The following EPHB1 variants were observed in gnomAD, a reference collection of about 807,000 sequenced individuals.
The protein encoded by EPHB1 is EPH receptor B1.
In EPHB1, 30 loss-of-function variants were observed where a neutral mutation model predicts 94.4. That is an observed-to-expected ratio of 0.32 (90% confidence interval 0.24 to 0.43). The LOEUF (loss-of-function observed/expected upper bound fraction) is 0.43. Ranked by LOEUF, EPHB1 falls within the 20% of genes least tolerant of loss-of-function variation. The pLI, the probability that EPHB1 is intolerant of heterozygous loss-of-function variation, is 1.00. For synonymous variants in EPHB1, 522 were observed against 489.1 expected (o/e 1.07, Z -0.89); for missense variants, 1,055 against 1,308.3 (o/e 0.81, Z 2.99).
intron 2 of EPHB1, among the ~76,000 whole-genome samples, chr3:134,932,898 G>T (rs2038932262): frequency 2.0e-5 from 3 of 152,194 alleles, no homozygotes; most frequent in Non-Finnish European, 4.4e-5. Context: ...AGAAGAAGGT[G>T]GGGTTGGCCA....
intron 15 of EPHB1, 89 bp downstream of exon 15, chr3:135,249,580 G>T: frequency 1.4e-6 from 2 of 1,468,006 alleles, no homozygotes; most frequent in African/African-American, 1.4e-5. Context: ...CCTATTTCTG[G>T]CCTCATCCCT....
intron 6 of EPHB1, among the ~76,000 whole-genome samples, chr3:135,159,655 T>G (rs1334990768): frequency 2.6e-5 from 4 of 152,236 alleles, no homozygotes; most frequent in Non-Finnish European, 5.9e-5. Context: ...GAGGATCCCC[T>G]TGTGTTTAAA....
At chr3:135,075,455 C>T (rs1436129689) in intron 3 of EPHB1, among the ~76,000 whole-genome samples, 1 of 152,194 alleles carries the variant, frequency 6.6e-6, no homozygotes, top group South Asian at 2.1e-4. Context: ...TTTCATCATG[C>T]AACCCAAGCA....
At chr3:134,853,151 G>T (rs192604487) in intron 1 of EPHB1, among the ~76,000 whole-genome samples, 2 of 152,186 alleles carry the variant, frequency 1.3e-5, no homozygotes, top group East Asian at 3.9e-4. Flanking sequence ...TGAGAGAAGT[G>T]GAAAGAAAAG....
chr3:134,918,346 G>T (rs761521852), intron 1 of EPHB1, among the ~76,000 whole-genome samples: 2 of 152,294 alleles, frequency 1.3e-5, no homozygotes, highest in South Asian at 4.1e-4. Context: ...GAAGAGGTGG[G>T]TTTAGATCAG....
chr3:134,981,596 C>T (rs1934404715), intron 3 of EPHB1, among the ~76,000 whole-genome samples: 1 of 152,194 alleles, frequency 6.6e-6, no homozygotes, highest in South Asian at 2.1e-4. Flanking sequence ...GCATTGAGTA[C>T]CACATGACAA....
intron 4 of EPHB1, among the ~76,000 whole-genome samples, chr3:135,122,795 C>A (rs754675673): frequency 6.6e-6 from 1 of 152,178 alleles, no homozygotes; most frequent in Non-Finnish European, 1.5e-5. Flanking sequence ...AAATGTGTAG[C>A]ACTAGGCTCT....
intron 5 of EPHB1, among the ~76,000 whole-genome samples, chr3:135,137,555 G>A (rs1559846967): frequency 6.6e-6 from 1 of 152,102 alleles, no homozygotes; most frequent in East Asian, 1.9e-4. Flanking sequence ...GGCTCATGGT[G>A]GCAGAGTGCT....
At chr3:134,940,816 G>T (rs1436110757) in intron 2 of EPHB1, among the ~76,000 whole-genome samples, 1 of 152,194 alleles carries the variant, frequency 6.6e-6, no homozygotes, top group South Asian at 2.1e-4. Context: ...TAAGGTCCAT[G>T]CGGACAGGGA....
At position 135,058,698 on chromosome 3, in the gene EPHB1, C is replaced by G. The variant is rs551060656; in HGVS notation, c.806-47750C>G. 1.4e-4 allele frequency among the ~76,000 whole-genome samples: 22 copies of G among 152,284 alleles called. 1 individual carries two copies. The South Asian group carries it at 3.7e-3, about 26-fold the overall frequency. Reference sequence around the variant, plus strand: ...CCTGTTCCTTCAACATTGACTGTTCCCTGCAGTACAGCTGGGGCCCAGTCA... The same window carrying G: ...CCTGTTCCTTCAACATTGACTGTTCGCTGCAGTACAGCTGGGGCCCAGTCA... On this transcript the variant is annotated intron_variant, in intron 3 of 15. Transcript: ENST00000398015.
At chr3:134,874,933 C>T (rs187776913) in intron 1 of EPHB1, among the ~76,000 whole-genome samples, 1 of 152,340 alleles carries the variant, frequency 6.6e-6, no homozygotes, top group East Asian at 1.9e-4. Flanking sequence ...ATCCGCCTCT[C>T]TCAAGCTCAG....
At chr3:134,827,350 C>T (rs1372080668) in intron 1 of EPHB1, among the ~76,000 whole-genome samples, 3 of 137,766 alleles carry the variant, frequency 2.2e-5, no homozygotes, top group East Asian at 2.0e-4. Flanking sequence ...AACAGATGTG[C>T]GCGGGTGCGC....
intron 4 of EPHB1, among the ~76,000 whole-genome samples, chr3:135,118,081 T>G (rs1939785990): frequency 6.6e-6 from 1 of 152,198 alleles, no homozygotes; most frequent in South Asian, 2.1e-4. Flanking sequence ...AAAGGGGAAC[T>G]GAGCACCAGG....
chr3:135,052,939 G>A lies in EPHB1; in HGVS notation c.806-53509G>A, dbSNP rs28578998. Reference sequence around the variant, plus strand: ...TGTGTGTGTGTGTGTGTGTATATATGTGTGTATATATATATATGTGTGTAT... The same window carrying A: ...TGTGTGTGTGTGTGTGTGTATATATATGTGTATATATATATATGTGTGTAT... On this transcript the variant is annotated intron_variant, in intron 3 of 15. Coordinates refer to ENST00000398015, the MANE Select transcript of EPHB1 (RefSeq NM_004441.5). Among the ~76,000 whole-genome samples the A allele has an allele frequency of 5.1e-3, 480 of 94,526 alleles. 17 individuals carry two copies. Among genetic ancestry groups the A allele is most frequent in the African/African-American group, 0.025 (460 of 18,274 alleles). 62.0% of individuals were successfully genotyped at this position (94,526 alleles called of 152,430 possible).
At chr3:135,061,368 A>ACCCCCCCCCCCCCCCC (rs34282243) in intron 3 of EPHB1, among the ~76,000 whole-genome samples, 4 of 111,430 alleles carry the variant, frequency 3.6e-5, no homozygotes, top group Admixed American at 1.0e-4. Flanking sequence ...AGGAATGACC[A>ACCCCCCCCCCCCCCCC]CCCCCCCCGA....
At chr3:135,177,077 T>C (rs1264194439) in intron 9 of EPHB1, among the ~76,000 whole-genome samples, 3 of 152,164 alleles carry the variant, frequency 2.0e-5, no homozygotes, top group Admixed American at 1.3e-4. Flanking sequence ...CATCAGGCAC[T>C]GTGCTAGGTA....
At chr3:135,062,292 G>A (rs941161533) in intron 3 of EPHB1, among the ~76,000 whole-genome samples, 15 of 152,112 alleles carry the variant, frequency 9.9e-5, no homozygotes, top group African/African-American at 3.6e-4. Context: ...GGCTGTACTA[G>A]TTTACATTCC....
intron 13 of EPHB1, among the ~76,000 whole-genome samples, chr3:135,247,086 T>C (rs1416788528): frequency 1.3e-5 from 2 of 152,206 alleles, no homozygotes; most frequent in Non-Finnish European, 2.9e-5. Flanking sequence ...CTTTGTTGTT[T>C]AAAATGCTTT....
chr3:135,110,776 T>C (rs1939410843), intron 4 of EPHB1, among the ~76,000 whole-genome samples: 1 of 152,206 alleles, frequency 6.6e-6, no homozygotes, highest in African/African-American at 2.4e-5. Flanking sequence ...CATTCCTGCA[T>C]AGTCTGGTTT....
Sources: gnomAD v4.1 joint callset for allele counts (sites outside exome capture counted in the v4.1 genomes callset) on GRCh38, gnomAD v4.1.1 for gene constraint, MANE v1.5 for transcripts, NCBI Gene and HGNC (gene_info 2026-07-23, HGNC 2026-07-21) for gene names.